The following SEPTIN2 variants were observed in gnomAD, a reference collection of about 807,000 sequenced individuals.
The protein encoded by SEPTIN2 is septin-2.
Under a neutral mutation model 46.5 loss-of-function variants are expected in SEPTIN2, and 34 were observed. The ratio of observed to expected loss-of-function variants is 0.73; its 90% CI spans 0.56 to 0.97. SEPTIN2 has a LOEUF of 0.97. Among genes scored for constraint, SEPTIN2 ranks in the 50% least tolerant of loss-of-function variants. The probability of loss-of-function intolerance (pLI) is 0.00; values close to 1 mark genes in which losing one functional copy is unlikely to be tolerated. For synonymous variants in SEPTIN2, 175 were observed against 153.4 expected, an observed-to-expected ratio of 1.14 and a Z score of -1.04; for missense variants, 347 against 448.4, an observed-to-expected ratio of 0.77 and a Z score of 2.04.
upstream of SEPTIN2, chr2:241,315,582 TATAAGC>T (rs1402691943): frequency 6.6e-6 from 1 of 152,272 alleles, no homozygotes; most frequent in Non-Finnish European, 1.5e-5. Context: ...GTTCCACTCT[TATAAGC>T]ATAAGAAAAC....
Position 241,343,075 on chromosome 2 carries a change from G to A in SEPTIN2, c.678G>A (p.Glu226=). ...AESDEDEDFK[E]QTRLLKASIP... ...CAGATGAAGATGAAGATTTTAAAGAGCAGACTAGACTTCTCAAGGTAAGAA... is the reference window on the plus strand; with the variant it reads ...CAGATGAAGATGAAGATTTTAAAGAACAGACTAGACTTCTCAAGGTAAGAA... Residue 226 remains glutamate (E), a synonymous_variant, in exon 8 of 13, where the codon GAG becomes GAA. Coordinates refer to ENST00000391971, the MANE Select transcript of SEPTIN2 (RefSeq NM_004404.5). 8 of 1,599,232 alleles carry A rather than the reference G, an allele frequency of 5.0e-6. No individual in the cohort carries two copies. The highest frequency in any genetic ancestry group is 6.9e-6 in the Non-Finnish European group (8 of 1,167,002).
intron 1 of SEPTIN2, among the ~76,000 whole-genome samples, chr2:241,321,568 T>C (rs2077127682): frequency 1.3e-5 from 2 of 152,006 alleles, no homozygotes; most frequent in Non-Finnish European, 1.5e-5. Context: ...CGGTTTGTTG[T>C]TTTTGTTTTT....
rs2060215413 is a variant in SEPTIN2 at position 241,346,174 on chromosome 2, T to C, written c.851T>C (p.Met284Thr). The C allele has an allele frequency of 6.2e-7, 1 of 1,613,632 alleles. No individual in the cohort carries two copies. The highest frequency in any genetic ancestry group is 8.5e-7 in the Non-Finnish European group (1 of 1,179,668). ...TTCCTCTTCTCTTTCAGCACCCACA[T>C]GCAGGATCTCCAGGAGGTGACCCAG... ...LKLRTMLITH[M>T]QDLQEVTQDL... The change falls in exon 10 of 13, where the codon ATG becomes ACG. Residue 284 changes from methionine to threonine, a missense_variant. By Grantham distance (81) the Met-to-Thr change is moderately conservative. Coordinates refer to ENST00000391971, the MANE Select transcript of SEPTIN2 (RefSeq NM_004404.5).
chr2:241,350,111 G>C lies in SEPTIN2; in HGVS notation c.1023G>C (p.Ala341=), dbSNP rs748452189. The change falls in exon 12 of 13, where the codon GCG becomes GCC. Residue 341 remains alanine, a synonymous_variant. Transcript: ENST00000391971. ...RMQEMIARMQ[A]QMQMQMQGGD... is the part of the protein sequence containing the mutation. Reference sequence around the variant, plus strand: ...AAGAGATGATTGCAAGGATGCAGGCGCAGATGCAGATGCAGATGCAGGGCG... The same window carrying C: ...AAGAGATGATTGCAAGGATGCAGGCCCAGATGCAGATGCAGATGCAGGGCG... 1 of 1,613,206 alleles carries C rather than the reference G, an allele frequency of 6.2e-7. No homozygotes were observed. Among genetic ancestry groups the C allele is most frequent in the Admixed American group, 1.7e-5 (1 of 59,978 alleles).
chr2:241,337,551 T>G, intron 6 of SEPTIN2, 35 bp downstream of exon 6: 1 of 1,608,018 alleles, frequency 6.2e-7, no homozygotes, highest in Non-Finnish European at 8.5e-7. Flanking sequence ...AATGCTTTAC[T>G]ACATGGGTTT....
In SEPTIN2 at chr2:241,348,209, ATTGGTTGGTTGG is replaced by A; in HGVS notation, c.984+30_984+41del. 6.2e-7 allele frequency: 1 copy of A among 1,602,072 alleles called. No individual in the cohort carries two copies. The highest frequency in any genetic ancestry group is 8.5e-7 in the Non-Finnish European group (1 of 1,171,906). ...AAGCTGAGGTAAGTAGGAAAGTACT[ATTGGTTGGTTGG>A]TTGGTTGGTTGTTTTGTTTGTTTTG... On this transcript the variant is annotated intron_variant, in intron 11 of 12. Coordinates refer to ENST00000391971, the MANE Select transcript of SEPTIN2 (RefSeq NM_004404.5).
At chr2:241,336,151 A>C (rs1239834910) in intron 5 of SEPTIN2, 53 bp downstream of exon 5, 1 of 1,553,108 alleles carries the variant, frequency 6.4e-7, no homozygotes, top group Non-Finnish European at 8.8e-7. Context: ...TATACTTCAT[A>C]AATTTATAGA....
upstream of SEPTIN2, chr2:241,315,907 G>A (rs1189907149): frequency 6.6e-6 from 1 of 152,240 alleles, no homozygotes; most frequent in East Asian, 1.9e-4. Context: ...GGCTGGGGCG[G>A]GCTGTGAGCG....
At chr2:241,322,945 C>G (rs527322579) in intron 1 of SEPTIN2, among the ~76,000 whole-genome samples, 13 of 151,872 alleles carry the variant, frequency 8.6e-5, no homozygotes, top group Non-Finnish European at 1.6e-4. Context: ...ATAGTCAGTA[C>G]TGAAAAAAAA....
chr2:241,334,006 A>G (rs2079479317), intron 3 of SEPTIN2, among the ~76,000 whole-genome samples: 1 of 151,838 alleles, frequency 6.6e-6, no homozygotes. Flanking sequence ...ACAAGCCACA[A>G]CACCTGGCTA....
intron 1 of SEPTIN2, among the ~76,000 whole-genome samples, chr2:241,317,286 A>G (rs968026031): frequency 1.3e-5 from 2 of 152,188 alleles, no homozygotes; most frequent in Admixed American, 6.5e-5. Context: ...CTCATTAGCT[A>G]TAAAGGTTGT....
rs1477878231 is a variant in SEPTIN2 at position 241,335,872 on chromosome 2, C to T, written c.218-103C>T. On this transcript the variant is annotated intron_variant, in intron 4 of 12. Coordinates refer to ENST00000391971, the MANE Select transcript of SEPTIN2 (RefSeq NM_004404.5). ...CCCATGGTATCTTTGGAGAACCTAC[C>T]TCTGTAGAGAGGCAGTAGACTCTGA... 2.8e-6 allele frequency: 4 copies of T among 1,450,462 alleles called. No homozygotes were observed. The East Asian group carries it at 6.8e-5, about 25-fold the overall frequency. The allele number at this position is 1,450,462 out of a possible 1,614,324, so 89.8% of individuals were successfully genotyped here.
intron 7 of SEPTIN2, among the ~76,000 whole-genome samples, chr2:241,341,283 T>G (rs189396738): frequency 6.6e-6 from 1 of 152,326 alleles, no homozygotes; most frequent in African/African-American, 2.4e-5. Flanking sequence ...TCCTTCCAGC[T>G]CCCCTGTCTC....
chr2:241,344,541 G>A (rs1028521468), intron 9 of SEPTIN2, among the ~76,000 whole-genome samples: 2 of 151,736 alleles, frequency 1.3e-5, no homozygotes, highest in African/African-American at 4.8e-5. Context: ...TACTTAAAGT[G>A]CAAAAAATAA....
In SEPTIN2 at chr2:241,346,235, C is replaced by T. The variant is rs1418164208; in HGVS notation, c.912C>T (p.Leu304=). 6.2e-7 allele frequency: 1 copy of T among 1,613,726 alleles called. No homozygotes were observed. Among genetic ancestry groups the T allele is most frequent in the South Asian group, 1.1e-5 (1 of 91,052 alleles). ...ATGAAAACTTCCGTTCTGAGAGACTCAAGAGAGGCGGCAGGTCATCACACT... is the reference window on the plus strand; with the variant it reads ...ATGAAAACTTCCGTTCTGAGAGACTTAAGAGAGGCGGCAGGTCATCACACT... The part of the protein sequence containing the change: ...LHYENFRSER[L]KRGGRKVENE... The change falls in exon 10 of 13, where the codon CTC becomes CTT. Residue 304 remains leucine, a synonymous_variant. Transcript: ENST00000391971.
At chr2:241,316,756 C>T (rs1320650300) in intron 1 of SEPTIN2, 1 of 423,852 alleles carries the variant, frequency 2.4e-6, no homozygotes, top group East Asian at 3.6e-5. Flanking sequence ...CCTCTCTCCA[C>T]GGAAACACAC....
chr2:241,338,910 A>AATAT (rs147584595), intron 7 of SEPTIN2, among the ~76,000 whole-genome samples: 3 of 91,556 alleles, frequency 3.3e-5, no homozygotes, highest in Non-Finnish European at 5.9e-5. Flanking sequence ...TATTATATAT[A>AATAT]ATATATATAA....
In SEPTIN2 at chr2:241,348,207, C is replaced by G; in HGVS notation, c.984+16C>G. The G allele has an allele frequency of 6.2e-7, 1 of 1,608,026 alleles. No individual in the cohort carries two copies. Among genetic ancestry groups the G allele is most frequent in the Non-Finnish European group, 8.5e-7 (1 of 1,176,076 alleles). ...AGAAGCTGAGGTAAGTAGGAAAGTA[C>G]TATTGGTTGGTTGGTTGGTTGGTTG... On this transcript the variant is annotated intron_variant, in intron 11 of 12. Transcript: ENST00000391971.
chr2:241,329,927 G>T (rs2078707094), intron 3 of SEPTIN2, among the ~76,000 whole-genome samples: 1 of 152,232 alleles, frequency 6.6e-6, no homozygotes, highest in Non-Finnish European at 1.5e-5. Context: ...CAAATATTTA[G>T]GCTGAATTGT....
Sources: gnomAD v4.1 joint callset for allele counts (sites outside exome capture counted in the v4.1 genomes callset) on GRCh38, gnomAD v4.1.1 for gene constraint, MANE v1.5 for transcripts, NCBI Gene and HGNC (gene_info 2026-07-23, HGNC 2026-07-21) for gene names.